The following DPF3 variants were observed in gnomAD, a reference collection of about 807,000 sequenced individuals.
DPF3 encodes double PHD fingers 3.
A neutral mutation model predicts 56.8 loss-of-function variants in DPF3; 18 were observed. The observed-to-expected ratio is 0.32, with a 90% CI of 0.22 to 0.47. DPF3 has a LOEUF of 0.47. DPF3 is among the 20% of genes least tolerant of loss of function. The pLI, the probability that DPF3 is intolerant of heterozygous loss-of-function variation, is 1.00. For synonymous variants in DPF3, 188 were observed against 180.2 expected (o/e 1.04, Z -0.35); for missense variants, 403 against 488.8 (o/e 0.82, Z 1.65).
Position 72,773,842 on chromosome 14 carries a change from ATTTT to A in DPF3, c.33-1953_33-1950del, listed in dbSNP as rs773822686. 337 of 455,414 alleles carry A rather than the reference ATTTT, an allele frequency of 7.4e-4. 2 individuals are homozygous for A. The highest frequency in any genetic ancestry group is 1.2e-3 in the Non-Finnish European group (265 of 226,774). The allele number at this position is 455,414 out of a possible 1,614,324, so 28.2% of individuals were successfully genotyped here. ...GAATAATATTTTAAGTCAGAATAAT[ATTTT>A]TTAAGTCAGAATAATATTCCATTGT... On this transcript the variant is annotated intron_variant, in intron 1 of 10. Transcript: ENST00000556509.
intron 1 of DPF3, among the ~76,000 whole-genome samples, chr14:72,826,144 A>C (rs1026023428): frequency 7.2e-5 from 11 of 152,298 alleles, no homozygotes; most frequent in African/African-American, 2.6e-4. Flanking sequence ...GGACATGTGG[A>C]GAGAAAGTTG....
At chr14:72,655,459 AGAT>A (rs894419226) in intron 8 of DPF3, among the ~76,000 whole-genome samples, 5 of 152,220 alleles carry the variant, frequency 3.3e-5, no homozygotes, top group African/African-American at 1.2e-4. Context: ...CATGCACCAA[AGAT>A]GATGTTGGAT....
At chr14:72,705,540 C>T (rs1416259731) in intron 6 of DPF3, among the ~76,000 whole-genome samples, 1 of 152,186 alleles carries the variant, frequency 6.6e-6, no homozygotes, top group Non-Finnish European at 1.5e-5. Context: ...CCATGAGTCC[C>T]TGGTGCCAAA....
chr14:72,831,612 T>C (rs61607340), intron 1 of DPF3, among the ~76,000 whole-genome samples: 1 of 152,298 alleles, frequency 6.6e-6, no homozygotes, highest in East Asian at 1.9e-4. Context: ...AGGAACTTGT[T>C]CAGGATCATC....
chr14:72,888,714 T>G (rs1263679077), intron 1 of DPF3, among the ~76,000 whole-genome samples: 1 of 152,248 alleles, frequency 6.6e-6, no homozygotes, highest in African/African-American at 2.4e-5. Flanking sequence ...AATTCCCCTG[T>G]TGGGTCGTAG....
intron 8 of DPF3, among the ~76,000 whole-genome samples, chr14:72,638,453 G>C (rs1885447597): frequency 6.6e-6 from 1 of 152,168 alleles, no homozygotes; most frequent in Non-Finnish European, 1.5e-5. Context: ...TGGAAACCCT[G>C]TAATCCCTGT....
chr14:72,837,089 T>C (rs1884327751), intron 1 of DPF3, among the ~76,000 whole-genome samples: 1 of 151,926 alleles, frequency 6.6e-6, no homozygotes, highest in Non-Finnish European at 1.5e-5. Flanking sequence ...CAGACTGGTC[T>C]CAAATTCCTG....
At position 72,656,142 on chromosome 14, in the gene DPF3, C is replaced by G. The variant is rs141078055; in HGVS notation, c.871+18098G>C. On this transcript the variant is annotated intron_variant, in intron 8 of 10. Coordinates refer to ENST00000556509, the MANE Select transcript of DPF3 (RefSeq NM_001280542.3). Reference sequence around the variant, plus strand: ...CCCAAGTTAAACAACCCCAAATCCACAAACCTTTCCTTAAAGGGCTTATTG... The same window carrying G: ...CCCAAGTTAAACAACCCCAAATCCAGAAACCTTTCCTTAAAGGGCTTATTG... 1.2e-3 allele frequency among the ~76,000 whole-genome samples: 176 copies of G among 152,332 alleles called. 1 individual carries two copies. The highest frequency in any genetic ancestry group is 3.6e-3 in the African/African-American group (150 of 41,584).
At chr14:72,772,094 T>C (rs1891558405) in intron 1 of DPF3, among the ~76,000 whole-genome samples, 1 of 152,160 alleles carries the variant, frequency 6.6e-6, no homozygotes, top group African/African-American at 2.4e-5. Flanking sequence ...TTATTTTCTA[T>C]CCCAAATCCA....
intron 6 of DPF3, among the ~76,000 whole-genome samples, chr14:72,696,608 G>A (rs915717702): frequency 6.6e-6 from 1 of 152,226 alleles, no homozygotes; most frequent in African/African-American, 2.4e-5. Context: ...GCAAATTGCA[G>A]AATCTAATCC....
At chr14:72,750,625 C>T (rs1026027603) in intron 3 of DPF3, among the ~76,000 whole-genome samples, 1 of 151,770 alleles carries the variant, frequency 6.6e-6, no homozygotes, top group African/African-American at 2.4e-5. Flanking sequence ...TATGTAATTA[C>T]AAAAACGAAA....
chr14:72,630,343 C>A (rs1885097793), intron 8 of DPF3, among the ~76,000 whole-genome samples: 1 of 152,136 alleles, frequency 6.6e-6, no homozygotes, highest in South Asian at 2.1e-4. Flanking sequence ...AAGGAAGTGG[C>A]CTGGCAGGGA....
intron 4 of DPF3, among the ~76,000 whole-genome samples, chr14:72,724,633 C>A (rs186269148): frequency 6.6e-6 from 1 of 151,522 alleles, no homozygotes; most frequent in African/African-American, 2.4e-5. Context: ...CCCAGCCCCA[C>A]AATGGGAGTA....
chr14:72,867,206 C>T (rs949032475), intron 1 of DPF3, among the ~76,000 whole-genome samples: 3 of 152,078 alleles, frequency 2.0e-5, no homozygotes, highest in Non-Finnish European at 4.4e-5. Context: ...GTTCTGCCTC[C>T]TACAGCTTCA....
intron 1 of DPF3, among the ~76,000 whole-genome samples, chr14:72,780,339 G>A (rs1420705098): frequency 2.0e-5 from 3 of 152,106 alleles, no homozygotes; most frequent in Non-Finnish European, 4.4e-5. Context: ...TATTTTTGAT[G>A]GTCTTTGCCA....
intron 8 of DPF3, chr14:72,673,942 T>C (rs1886799803): frequency 1.5e-5 from 5 of 325,726 alleles, no homozygotes; most frequent in Non-Finnish European, 2.8e-5. Context: ...TCCAGGTTTT[T>C]CCACTCTACC....
At chr14:72,723,555 C>A in intron 5 of DPF3, 78 bp downstream of exon 5, 1 of 1,191,708 alleles carries the variant, frequency 8.4e-7, no homozygotes, top group Non-Finnish European at 1.2e-6. Flanking sequence ...TTCCATCTAG[C>A]TGCAGTGGAG....
chr14:72,849,486 C>T (rs539762677), intron 1 of DPF3, among the ~76,000 whole-genome samples: 2 of 152,308 alleles, frequency 1.3e-5, no homozygotes, highest in Non-Finnish European at 1.5e-5. Flanking sequence ...CCCCCGGGGC[C>T]GCCTTCCTGC....
intron 1 of DPF3, among the ~76,000 whole-genome samples, chr14:72,850,152 G>A (rs1468229986): frequency 1.3e-5 from 2 of 152,002 alleles, no homozygotes; most frequent in African/African-American, 4.8e-5. Flanking sequence ...AGTCATTAGA[G>A]GTCATATAAA....
Sources: gnomAD v4.1 joint callset for allele counts (sites outside exome capture counted in the v4.1 genomes callset) on GRCh38, gnomAD v4.1.1 for gene constraint, MANE v1.5 for transcripts, NCBI Gene and HGNC (gene_info 2026-07-23, HGNC 2026-07-21) for gene names.